Variants in PLXDC2 observed in about 807,000 individuals in gnomAD.
PLXDC2 encodes plexin domain-containing protein 2.
Under a neutral mutation model 68.9 loss-of-function variants are expected in PLXDC2, and 40 were observed. That is an observed-to-expected ratio of 0.58 (90% CI 0.45 to 0.76). PLXDC2 has a LOEUF of 0.76. PLXDC2 is among the 30% of genes least tolerant of loss of function. The pLI is 0.00. For missense variants in PLXDC2, 644 were observed against 661.9 expected (o/e 0.97, Z 0.30); for synonymous variants, 243 against 234.2 (o/e 1.04, Z -0.34).
intron 7 of PLXDC2, among the ~76,000 whole-genome samples, chr10:20,171,375 T>C (rs1312805199): frequency 6.6e-6 from 1 of 152,164 alleles, no homozygotes; most frequent in Non-Finnish European, 1.5e-5. Flanking sequence ...GAAGATAAAA[T>C]TGCTTCTCTT....
intron 4 of PLXDC2, among the ~76,000 whole-genome samples, chr10:20,133,847 T>G (rs1043678161): frequency 6.6e-6 from 1 of 152,182 alleles, no homozygotes; most frequent in Admixed American, 6.5e-5. Flanking sequence ...AATATATTGG[T>G]TCACTTAATG....
At chr10:20,251,098 T>C (rs1835669333) in intron 13 of PLXDC2, among the ~76,000 whole-genome samples, 1 of 152,186 alleles carries the variant, frequency 6.6e-6, no homozygotes, top group Non-Finnish European at 1.5e-5. Context: ...GTACAAGAGT[T>C]CCATTCTCCT....
chr10:19,992,105 T>C (rs890025130), intron 1 of PLXDC2, among the ~76,000 whole-genome samples: 1 of 152,222 alleles, frequency 6.6e-6, no homozygotes, highest in South Asian at 2.1e-4. Context: ...TAAACTATCA[T>C]AGCACATGAA....
At chr10:20,264,826 C>A (rs1471477339) in intron 13 of PLXDC2, among the ~76,000 whole-genome samples, 1 of 151,318 alleles carries the variant, frequency 6.6e-6, no homozygotes, top group Admixed American at 6.6e-5. Context: ...AGAAAAAAAC[C>A]AAAGCAAAAG....
At chr10:20,092,183 T>A (rs1833288302) in intron 4 of PLXDC2, among the ~76,000 whole-genome samples, 1 of 152,178 alleles carries the variant, frequency 6.6e-6, no homozygotes, top group African/African-American at 2.4e-5. Flanking sequence ...ATTTATGAAA[T>A]ACCGCATAAG....
At chr10:20,274,349 A>C (rs774676929) in intron 13 of PLXDC2, among the ~76,000 whole-genome samples, 12 of 152,160 alleles carry the variant, frequency 7.9e-5, no homozygotes, top group African/African-American at 1.2e-4. Context: ...AAATCACACA[A>C]ATTGTATGTT....
chr10:20,252,804 A>C (rs1835695437), intron 13 of PLXDC2, among the ~76,000 whole-genome samples: 1 of 152,214 alleles, frequency 6.6e-6, no homozygotes, highest in Non-Finnish European at 1.5e-5. Flanking sequence ...TGTGGATTTC[A>C]CGTTGAATGA....
At chr10:20,031,717 A>G (rs1233568989) in intron 2 of PLXDC2, among the ~76,000 whole-genome samples, 4 of 152,206 alleles carry the variant, frequency 2.6e-5, no homozygotes, top group South Asian at 2.1e-4. Flanking sequence ...GCTAACATCA[A>G]CAACCGTGTG....
At chr10:20,198,942 T>C (rs950299399) in intron 9 of PLXDC2, among the ~76,000 whole-genome samples, 6 of 152,196 alleles carry the variant, frequency 3.9e-5, no homozygotes, top group African/African-American at 1.4e-4. Flanking sequence ...GTTATGTTTC[T>C]AACTCAAAGG....
intron 1 of PLXDC2, among the ~76,000 whole-genome samples, chr10:19,919,237 G>C (rs1280518985): frequency 6.6e-6 from 1 of 152,166 alleles, no homozygotes; most frequent in African/African-American, 2.4e-5. Context: ...ATCCAAAAGG[G>C]TGAAAATAAA....
chr10:20,071,042 C>G (rs1467799882), intron 4 of PLXDC2: 1 of 151,902 alleles, frequency 6.6e-6, no homozygotes, highest in Non-Finnish European at 1.5e-5. Flanking sequence ...TGTAAAGACA[C>G]TCCTTTTGTT....
chr10:19,938,772 T>A (rs933851419), intron 1 of PLXDC2, among the ~76,000 whole-genome samples: 3 of 152,168 alleles, frequency 2.0e-5, no homozygotes, highest in Non-Finnish European at 2.9e-5. Flanking sequence ...CAGCAGTACA[T>A]GAAGGCTGAT....
At chr10:20,064,433 G>C (rs1836164789) in intron 3 of PLXDC2, among the ~76,000 whole-genome samples, 1 of 151,996 alleles carries the variant, frequency 6.6e-6, no homozygotes, top group Non-Finnish European at 1.5e-5. Flanking sequence ...TGTTAGCCAG[G>C]ATGGTCTCGA....
intron 12 of PLXDC2, among the ~76,000 whole-genome samples, chr10:20,226,950 C>G (rs552328795): frequency 6.6e-6 from 1 of 151,604 alleles, no homozygotes; most frequent in Admixed American, 6.6e-5. Context: ...ATGAGGGGCC[C>G]CAGGAACAGG....
chr10:19,966,393 T>TAAAATATATATGTGCACATATATA lies in PLXDC2; in HGVS notation c.113-35377_113-35354dup, dbSNP rs1554849276. ...TAAAAAATATATATGTGCACATATATAAAATATATATGTGCACATATATAA... is the reference window on the plus strand; with the variant it reads ...TAAAAAATATATATGTGCACATATATAAAATATATATGTGCACATATATAAAAATATATATGTGCACATATATAA... On this transcript the variant is annotated intron_variant, in intron 1 of 13. Transcript: ENST00000377252. Among the ~76,000 whole-genome samples the TAAAATATATATGTGCACATATATA allele has an allele frequency of 1.1e-4, 7 of 65,832 alleles. 1 individual carries two copies. In the South Asian group the frequency reaches 1.5e-3, roughly 14 times the overall value. 43.2% of individuals were successfully genotyped at this position (65,832 alleles called of 152,430 possible). A position where few individuals can be genotyped will look rare whatever the true frequency, so the allele number is the denominator to read the frequency against.
At chr10:20,192,486 A>G (rs976666018) in intron 9 of PLXDC2, among the ~76,000 whole-genome samples, 25 of 152,144 alleles carry the variant, frequency 1.6e-4, no homozygotes, top group African/African-American at 5.5e-4. Flanking sequence ...ACAAAGTAAT[A>G]AAAATAGCAC....
chr10:20,285,087 T>C lies in PLXDC2; in HGVS notation c.*5268T>C, dbSNP rs1836134835. ...AATATATTTGAAAATGAATGATCTA[T>C]ATAGCTGATTTTCTGACCACATATA... On this transcript the variant is annotated 3_prime_UTR_variant, in exon 14 of 14. Coordinates refer to ENST00000377252, the MANE Select transcript of PLXDC2 (RefSeq NM_032812.9). The C allele has an allele frequency of 2.0e-5, 3 of 152,250 alleles. No homozygotes were observed. Among genetic ancestry groups the C allele is most frequent in the African/African-American group, 7.2e-5 (3 of 41,460 alleles). 9.4% of individuals were successfully genotyped at this position (152,250 alleles called of 1,614,324 possible).
chr10:19,958,785 CAAAT>C (rs1834110861), intron 1 of PLXDC2, among the ~76,000 whole-genome samples: 1 of 152,104 alleles, frequency 6.6e-6, no homozygotes. Flanking sequence ...TAAATCTATA[CAAAT>C]AAATATATCA....
chr10:19,930,256 G>T (rs1799412002), intron 1 of PLXDC2, among the ~76,000 whole-genome samples: 1 of 152,140 alleles, frequency 6.6e-6, no homozygotes, highest in Non-Finnish European at 1.5e-5. Flanking sequence ...ATATGTCTCA[G>T]TTGGAAACAG....
Sources: allele counts gnomAD v4.1 joint callset (sites outside exome capture counted in the v4.1 genomes callset), GRCh38; gene constraint gnomAD v4.1.1; transcripts MANE v1.5; gene names NCBI Gene and HGNC (gene_info 2026-07-23, HGNC 2026-07-21).